DNER: variants seen among roughly 807,000 people sequenced by gnomAD.
DNER encodes delta/notch like EGF repeat containing.
A neutral mutation model predicts 78.2 loss-of-function variants in DNER; 33 were observed. The ratio of observed to expected loss-of-function variants is 0.42; its 90% CI spans 0.32 to 0.56. The LOEUF (loss-of-function observed/expected upper bound fraction) is 0.56, where lower values mean the gene tolerates loss of function less well. Among genes scored for constraint, DNER ranks in the 20% least tolerant of loss-of-function variants. The pLI is 0.11. For synonymous variants in DNER, 417 were observed against 384.8 expected (o/e 1.08, Z -0.98); for missense variants, 918 against 975.3 (o/e 0.94, Z 0.78).
chr2:229,686,587 C>T (rs996870458), intron 1 of DNER, among the ~76,000 whole-genome samples: 1 of 152,164 alleles, frequency 6.6e-6, no homozygotes, highest in African/African-American at 2.4e-5. Flanking sequence ...CACCGCACCC[C>T]ATCTCTGACC....
intron 11 of DNER, among the ~76,000 whole-genome samples, chr2:229,371,937 G>A (rs2106328445): frequency 6.6e-6 from 1 of 152,342 alleles, no homozygotes; most frequent in South Asian, 2.1e-4. Context: ...GAACAATTGT[G>A]AGGAGGGATG....
chr2:229,471,927 G>A (rs6757193), intron 7 of DNER, among the ~76,000 whole-genome samples: 54,777 of 152,072 alleles, frequency 0.36, 11,619 homozygotes, highest in African/African-American at 0.59. Context: ...GCCTCGTCAC[G>A]GGGCCTAGAC....
chr2:229,456,612 A>G (rs1262051375), intron 7 of DNER, among the ~76,000 whole-genome samples: 1 of 152,024 alleles, frequency 6.6e-6, no homozygotes, highest in Non-Finnish European at 1.5e-5. Flanking sequence ...CTGCAGCTAC[A>G]TGTACATCTG....
chr2:229,383,534 C>T (rs1165485376), intron 11 of DNER, among the ~76,000 whole-genome samples: 2 of 152,160 alleles, frequency 1.3e-5, no homozygotes, highest in Middle Eastern at 3.4e-3. Flanking sequence ...TGCAAAGACA[C>T]ACATAGGCTC....
intron 5 of DNER, among the ~76,000 whole-genome samples, chr2:229,522,424 C>T (rs1446109836): frequency 2.0e-5 from 3 of 152,110 alleles, no homozygotes; most frequent in Non-Finnish European, 2.9e-5. Flanking sequence ...ATTTATTTGC[C>T]GCAACGTTCT....
rs1460096832 is a variant in DNER, at chr2:229,383,760, CA to C, written c.1855+4504del. 9.9e-5 allele frequency among the ~76,000 whole-genome samples: 15 copies of C among 152,256 alleles called. No homozygotes were observed. In the East Asian group the frequency reaches 2.9e-3, roughly 29 times the overall value. On this transcript the variant is annotated intron_variant, in intron 11 of 12. Coordinates refer to ENST00000341772, the MANE Select transcript of DNER (RefSeq NM_139072.4). ...TAAAGGAGCATCCAGATTCATAAAG[CA>C]AGTTCTTAGAGACCTAAAAAGAGAA...
At chr2:229,668,546 A>ACT (rs1699147492) in intron 1 of DNER, among the ~76,000 whole-genome samples, 1 of 11,184 alleles carries the variant, frequency 8.9e-5, no homozygotes, top group African/African-American at 1.7e-4. Flanking sequence ...GTATATATAT[A>ACT]TATATATATA....
chr2:229,701,531 G>A (rs1266899381), intron 1 of DNER, among the ~76,000 whole-genome samples: 8 of 152,206 alleles, frequency 5.3e-5, no homozygotes, highest in African/African-American at 9.7e-5. Context: ...GGGGTACTTC[G>A]AGGTCCCTGG....
intron 1 of DNER, among the ~76,000 whole-genome samples, chr2:229,627,897 T>C (rs919755230): frequency 1.3e-5 from 2 of 151,986 alleles, no homozygotes; most frequent in African/African-American, 4.8e-5. Flanking sequence ...CAGGCGGTAT[T>C]TTCCAACATG....
intron 7 of DNER, among the ~76,000 whole-genome samples, chr2:229,453,464 C>T (rs1479178542): frequency 1.3e-5 from 2 of 152,150 alleles, no homozygotes; most frequent in African/African-American, 4.8e-5. Context: ...AGACTGTTGA[C>T]TGGGAGCCAT....
intron 11 of DNER, among the ~76,000 whole-genome samples, chr2:229,367,621 A>T (rs1235499998): frequency 6.6e-6 from 1 of 152,050 alleles, no homozygotes; most frequent in African/African-American, 2.4e-5. Flanking sequence ...AAAAACCAGA[A>T]ATATGCCACA....
chr2:229,617,601 T>C (rs1208340663), intron 1 of DNER, among the ~76,000 whole-genome samples: 1 of 152,228 alleles, frequency 6.6e-6, no homozygotes, highest in Non-Finnish European at 1.5e-5. Context: ...ATTTCCATAC[T>C]TCATAAAGAA....
intron 6 of DNER, among the ~76,000 whole-genome samples, chr2:229,479,413 T>C (rs1213531304): frequency 6.6e-6 from 1 of 152,064 alleles, no homozygotes; most frequent in Non-Finnish European, 1.5e-5. Context: ...GAGCTTGATA[T>C]AAAAACCATC....
chr2:229,522,458 T>G (rs1428817684), intron 5 of DNER, among the ~76,000 whole-genome samples: 1 of 152,224 alleles, frequency 6.6e-6, no homozygotes, highest in East Asian at 1.9e-4. Context: ...AAGTAAAGTT[T>G]GACTTTAAGG....
intron 4 of DNER, among the ~76,000 whole-genome samples, chr2:229,565,641 A>G (rs1697091664): frequency 6.6e-6 from 1 of 152,222 alleles, no homozygotes; most frequent in African/African-American, 2.4e-5. Context: ...GAGCTGTCAA[A>G]TCTCCCAATG....
intron 1 of DNER, among the ~76,000 whole-genome samples, chr2:229,705,062 T>G (rs915146777): frequency 1.3e-5 from 2 of 152,190 alleles, no homozygotes; most frequent in Non-Finnish European, 2.9e-5. Context: ...GGTGGGATAC[T>G]AGGAGTAATG....
At chr2:229,638,543 C>A (rs1698564959) in intron 1 of DNER, among the ~76,000 whole-genome samples, 1 of 152,176 alleles carries the variant, frequency 6.6e-6, no homozygotes, top group African/African-American at 2.4e-5. Flanking sequence ...CCTTTTCAAC[C>A]TGCACATTTT....
chr2:229,552,810 T>A (rs1696774246), intron 4 of DNER, among the ~76,000 whole-genome samples: 1 of 152,172 alleles, frequency 6.6e-6, no homozygotes, highest in Non-Finnish European at 1.5e-5. Context: ...ATCATCTGCC[T>A]ATACTGTTTT....
At position 229,367,061 on chromosome 2, in the gene DNER, G is replaced by T; in HGVS notation, c.1914C>A (p.Ser638=). The change falls in exon 12 of 13, where the codon TCC becomes TCA. Residue 638 remains serine (S), a synonymous_variant. Transcript: ENST00000341772. Reference sequence around the variant, plus strand: ...AGAGGGCTCCAATGATGATGTAGAGGGAGTGCCGTGGCATGTTGGTGAGGC... The same window carrying T: ...AGAGGGCTCCAATGATGATGTAGAGTGAGTGCCGTGGCATGTTGGTGAGGC... ...AESLTNMPRH[S]LYIIIGALCV... The T allele has an allele frequency of 6.2e-7, 1 of 1,614,088 alleles. No individual in the cohort carries two copies. The highest frequency in any genetic ancestry group is 8.5e-7 in the Non-Finnish European group (1 of 1,180,012).
Sources: allele counts gnomAD v4.1 joint callset (sites outside exome capture counted in the v4.1 genomes callset), GRCh38; gene constraint gnomAD v4.1.1; transcripts MANE v1.5; gene names NCBI Gene and HGNC (gene_info 2026-07-23, HGNC 2026-07-21).